ATP8A2: variants seen among roughly 807,000 people sequenced by gnomAD.
The protein encoded by ATP8A2 is phospholipid-transporting ATPase IB.
Under a neutral mutation model 165.6 loss-of-function variants are expected in ATP8A2, and 100 were observed. That is an observed-to-expected ratio of 0.60 (90% CI 0.51 to 0.71). The LOEUF (loss-of-function observed/expected upper bound fraction) is 0.71. ATP8A2 is among the 30% of genes least tolerant of loss of function. The probability of loss-of-function intolerance (pLI) is 0.00; values close to 1 mark genes in which losing one functional copy is unlikely to be tolerated. For synonymous variants in ATP8A2, 543 were observed against 548.8 expected (o/e 0.99, Z 0.15); for missense variants, 1,227 against 1,479.5 (o/e 0.83, Z 2.80).
chr13:25,985,989 A>G (rs1355485290), intron 35 of ATP8A2, among the ~76,000 whole-genome samples: 1 of 152,222 alleles, frequency 6.6e-6, no homozygotes. Context: ...GCCACGTGCT[A>G]TATCCCTGTG....
At chr13:25,591,429 C>T (rs1487155107) in intron 24 of ATP8A2, 1 of 453,394 alleles carries the variant, frequency 2.2e-6, no homozygotes, top group East Asian at 7.0e-5. Flanking sequence ...ATGACTAGCT[C>T]ATTTCATGTA....
chr13:25,891,261 G>T (rs1158575997), intron 33 of ATP8A2, among the ~76,000 whole-genome samples: 5 of 152,196 alleles, frequency 3.3e-5, no homozygotes, highest in African/African-American at 1.2e-4. Flanking sequence ...CGATCGTGTT[G>T]AAAGTGTGTC....
chr13:25,790,178 G>T (rs1566140631), intron 27 of ATP8A2, among the ~76,000 whole-genome samples: 1 of 152,180 alleles, frequency 6.6e-6, no homozygotes, highest in African/African-American at 2.4e-5. Context: ...AAGATTTCAT[G>T]ATGAAGATGG....
In ATP8A2 at chr13:25,496,931, A is replaced by G. The variant is rs116422190; in HGVS notation, c.221+27810A>G. On this transcript the variant is annotated intron_variant, in intron 2 of 36. Coordinates refer to ENST00000381655, the MANE Select transcript of ATP8A2 (RefSeq NM_016529.6). ...TTGATGTGTTAATTCAGCCCTTTGG[A>G]TGTAAAGCTGCTCTGGGCACGGCTT... 4.9e-3 allele frequency among the ~76,000 whole-genome samples: 750 copies of G among 152,174 alleles called. 5 individuals are homozygous for G. Among genetic ancestry groups the G allele is most frequent in the African/African-American group, 0.018 (728 of 41,508 alleles).
chr13:25,930,227 A>T (rs1954732519), intron 33 of ATP8A2, among the ~76,000 whole-genome samples: 1 of 152,152 alleles, frequency 6.6e-6, no homozygotes, highest in Non-Finnish European at 1.5e-5. Context: ...AACAATGTGA[A>T]TCAAACCATG....
chr13:25,693,955 C>T (rs2042782514), intron 24 of ATP8A2, among the ~76,000 whole-genome samples: 1 of 152,230 alleles, frequency 6.6e-6, no homozygotes, highest in South Asian at 2.1e-4. Flanking sequence ...ACCTCTACCT[C>T]CTGGGTTCAA....
rs372760409 is a variant in ATP8A2 at position 25,654,044 on chromosome 13, G to GTTAC, written c.2212-45129_2212-45128insTTAC. ...TCCTCCCTGTACACTGTGAAGGTAA[G>GTTAC]GCATGAGGGAGAATGCCCCTCAGAA... On this transcript the variant is annotated intron_variant, in intron 24 of 36. Transcript: ENST00000381655. Among the ~76,000 whole-genome samples, 184 of 152,284 alleles carry GTTAC rather than the reference G, an allele frequency of 1.2e-3. 1 individual carries two copies. Among genetic ancestry groups the GTTAC allele is most frequent in the Non-Finnish European group, 2.2e-3 (150 of 68,014 alleles).
At chr13:25,926,859 A>T (rs553791422) in intron 33 of ATP8A2, among the ~76,000 whole-genome samples, 2 of 152,328 alleles carry the variant, frequency 1.3e-5, no homozygotes, top group African/African-American at 2.4e-5. Context: ...ATTTTTAAAA[A>T]TTTTAAATTA....
chr13:25,895,615 C>T (rs1389069632), intron 33 of ATP8A2, among the ~76,000 whole-genome samples: 3 of 152,080 alleles, frequency 2.0e-5, no homozygotes, highest in African/African-American at 4.8e-5. Flanking sequence ...ATGGTACCAG[C>T]TCCTCCTTGT....
intron 10 of ATP8A2, among the ~76,000 whole-genome samples, chr13:25,545,985 C>A (rs2038637317): frequency 6.6e-6 from 1 of 152,076 alleles, no homozygotes; most frequent in Admixed American, 6.6e-5. Flanking sequence ...GTAGCTAGCT[C>A]ACATTTGGTC....
chr13:25,686,531 G>T (rs1390971713), intron 24 of ATP8A2, among the ~76,000 whole-genome samples: 2 of 152,174 alleles, frequency 1.3e-5, no homozygotes, highest in East Asian at 3.9e-4. Flanking sequence ...GGGGTAACAA[G>T]TTCAGTGGGA....
intron 1 of ATP8A2, among the ~76,000 whole-genome samples, chr13:25,438,476 C>CA (rs1221294440): frequency 2.0e-5 from 3 of 151,762 alleles, no homozygotes; most frequent in Non-Finnish European, 4.4e-5. Context: ...TGCATCTCTA[C>CA]AAAAAAATAC....
intron 2 of ATP8A2, among the ~76,000 whole-genome samples, chr13:25,513,046 G>T (rs1245292895): frequency 4.7e-5 from 7 of 150,010 alleles, no homozygotes; most frequent in African/African-American, 1.5e-4. Context: ...GGGGCGGCTG[G>T]CCTGGCGGGG....
At position 25,883,054 on chromosome 13, in the gene ATP8A2, C is replaced by T. The variant is rs79421038; in HGVS notation, c.3183+20646C>T. The stretch of plus-strand genomic sequence containing the variant: ...ACTGTACCTATTCTCTATGAGAAAC[C>T]GAAACCAAGTCCTAGTGAAGTTAAC... On this transcript the variant is annotated intron_variant, in intron 33 of 36. Coordinates refer to ENST00000381655, the MANE Select transcript of ATP8A2 (RefSeq NM_016529.6). Among the ~76,000 whole-genome samples, 1,374 of 152,070 alleles carry T rather than the reference C, an allele frequency of 9.0e-3. 24 individuals are homozygous for T. Among genetic ancestry groups the T allele is most frequent in the African/African-American group, 0.032 (1,321 of 41,478 alleles).
chr13:25,478,130 A>G (rs1317956802), intron 2 of ATP8A2, among the ~76,000 whole-genome samples: 1 of 152,080 alleles, frequency 6.6e-6, no homozygotes, highest in Non-Finnish European at 1.5e-5. Context: ...GTATCTTCAT[A>G]TGTTTGTTGT....
chr13:25,428,697 A>G (rs538425195), intron 1 of ATP8A2, among the ~76,000 whole-genome samples: 1 of 152,310 alleles, frequency 6.6e-6, no homozygotes, highest in African/African-American at 2.4e-5. Flanking sequence ...CCCCAAATAT[A>G]TAATGGCTCA....
At position 25,633,975 on chromosome 13, in the gene ATP8A2, C is replaced by CAA. The variant is rs199748845; in HGVS notation, c.2211+44289_2211+44290dup. Reference sequence around the variant, plus strand: ...TGAGCAACAGAGTGAGACCCTGTCTCAAAAAAAAAAAAAAGATCATACGGA... The same window carrying CAA: ...TGAGCAACAGAGTGAGACCCTGTCTCAAAAAAAAAAAAAAAAGATCATACGGA... On this transcript the variant is annotated intron_variant, in intron 24 of 36. Transcript: ENST00000381655. 2.3e-3 allele frequency among the ~76,000 whole-genome samples: 304 copies of CAA among 133,758 alleles called. 2 individuals are homozygous for CAA. Among genetic ancestry groups the CAA allele is most frequent in the African/African-American group, 6.9e-3 (251 of 36,470 alleles). 87.8% of individuals were successfully genotyped at this position (133,758 alleles called of 152,430 possible).
chr13:25,477,805 C>T (rs1440019749), intron 2 of ATP8A2, among the ~76,000 whole-genome samples: 4 of 152,178 alleles, frequency 2.6e-5, no homozygotes, highest in South Asian at 2.1e-4. Context: ...GGCACGGTGG[C>T]GGGTGCCTAT....
At chr13:25,602,662 G>A (rs2040417725) in intron 24 of ATP8A2, among the ~76,000 whole-genome samples, 1 of 152,212 alleles carries the variant, frequency 6.6e-6, no homozygotes, top group African/African-American at 2.4e-5. Flanking sequence ...TGAAGAGGGA[G>A]CCAGAGAGAC....
Sources: allele counts gnomAD v4.1 joint callset (sites outside exome capture counted in the v4.1 genomes callset), GRCh38; gene constraint gnomAD v4.1.1; transcripts MANE v1.5; gene names NCBI Gene and HGNC (gene_info 2026-07-23, HGNC 2026-07-21).